The following RYR2 variants were observed in gnomAD, a reference collection of about 807,000 sequenced individuals.
RYR2 encodes the protein cardiac muscle ryanodine receptor-calcium release channel.
RYR2 carries 227 observed loss-of-function variants against 601.1 expected under a neutral mutation model. The ratio of observed to expected loss-of-function variants is 0.38; its 90% CI spans 0.34 to 0.42. The LOEUF (loss-of-function observed/expected upper bound fraction) is 0.42. Among genes scored for constraint, RYR2 ranks in the 10% least tolerant of loss-of-function variants. RYR2 has a pLI of 1.00. For missense variants in RYR2, 4,646 were observed against 6,156.5 expected (o/e 0.75, Z 8.21); for synonymous variants, 2,223 against 2,175.1 (o/e 1.02, Z -0.61).
chr1:237,104,448 C>T (rs1306667540), intron 1 of RYR2, among the ~76,000 whole-genome samples: 4 of 152,194 alleles, frequency 2.6e-5, no homozygotes, highest in African/African-American at 7.2e-5. Context: ...GCACCTTTCC[C>T]TGTCTCCTTG....
intron 27 of RYR2, among the ~76,000 whole-genome samples, chr1:237,559,241 A>G (rs2805470): frequency 0.33 from 50,035 of 151,984 alleles, 9,088 homozygotes; most frequent in East Asian, 0.5. Context: ...AAATGTCCAA[A>G]TGTTGCTAAG....
intron 53 of RYR2, 46 bp downstream of exon 53, chr1:237,656,030 G>T (rs1683211524): frequency 6.3e-7 from 1 of 1,583,916 alleles, no homozygotes; most frequent in Admixed American, 1.8e-5. Context: ...TAAATGATGT[G>T]TGAAGTCTGA....
intron 2 of RYR2, among the ~76,000 whole-genome samples, chr1:237,271,004 A>G (rs1161490636): frequency 1.3e-5 from 2 of 152,240 alleles, no homozygotes. Context: ...TTTCCATATT[A>G]ACGAAAAGTC....
chr1:237,751,697 G>T, intron 80 of RYR2, among the ~76,000 whole-genome samples: 1 of 152,068 alleles, frequency 6.6e-6, no homozygotes, highest in East Asian at 1.9e-4. Flanking sequence ...TGTTTCTTTT[G>T]TCTCTGTAGA....
intron 38 of RYR2, among the ~76,000 whole-genome samples, chr1:237,618,878 A>G (rs1342133163): frequency 6.6e-6 from 1 of 152,136 alleles, no homozygotes; most frequent in African/African-American, 2.4e-5. Flanking sequence ...AAGTAGCAAG[A>G]CACTCTTACC....
chr1:237,066,074 C>A (rs1282542344), intron 1 of RYR2, among the ~76,000 whole-genome samples: 1 of 152,180 alleles, frequency 6.6e-6, no homozygotes. Context: ...CAGATCCAAC[C>A]ATATCAGTAA....
intron 3 of RYR2, among the ~76,000 whole-genome samples, chr1:237,346,367 C>CAAAAAAAAAAAGAAAAAAAAAA (rs1698312485): frequency 1.6e-5 from 1 of 62,352 alleles, no homozygotes; most frequent in African/African-American, 5.6e-5. Flanking sequence ...GGGTCTACCT[C>CAAAAAAAAAAAGAAAAAAAAAA]AAAAAAAAAA....
chr1:237,307,388 C>T (rs1331388532), intron 2 of RYR2, among the ~76,000 whole-genome samples: 1 of 152,168 alleles, frequency 6.6e-6, no homozygotes, highest in Non-Finnish European at 1.5e-5. Flanking sequence ...TGTGAATTCA[C>T]AGATGTTCTT....
chr1:237,687,382 TTTA>T, intron 62 of RYR2, 70 bp from the exon 63 acceptor site: 2 of 685,740 alleles, frequency 2.9e-6, no homozygotes, highest in South Asian at 2.1e-5. Context: ...TTTTTTTTTT[TTTA>T]ATTTCCCCCT....
chr1:237,588,503 G>T (rs985551644), intron 29 of RYR2, among the ~76,000 whole-genome samples: 6 of 152,046 alleles, frequency 3.9e-5, no homozygotes, highest in Non-Finnish European at 7.4e-5. Context: ...CGTTTTTAGT[G>T]TGCTGCCTAC....
chr1:237,498,304 G>A (rs1324193255), intron 20 of RYR2, among the ~76,000 whole-genome samples: 1 of 152,060 alleles, frequency 6.6e-6, no homozygotes, highest in Non-Finnish European at 1.5e-5. Flanking sequence ...GTACAAAGGC[G>A]ACCTGTGCCA....
chr1:237,434,164 T>C (rs1278994924), intron 12 of RYR2, among the ~76,000 whole-genome samples: 1 of 152,186 alleles, frequency 6.6e-6, no homozygotes, highest in Non-Finnish European at 1.5e-5. Flanking sequence ...TTGGAAGATT[T>C]TATAAATCAT....
chr1:237,171,161 G>A (rs1262705716), intron 1 of RYR2, among the ~76,000 whole-genome samples: 2 of 151,226 alleles, frequency 1.3e-5, no homozygotes, highest in Non-Finnish European at 2.9e-5. Flanking sequence ...TTGAACCCAG[G>A]AGGCGGAGCT....
At chr1:237,781,828 A>C (rs1695138410) in intron 89 of RYR2, among the ~76,000 whole-genome samples, 182 bp downstream of exon 89, 1 of 152,178 alleles carries the variant, frequency 6.6e-6, no homozygotes, top group Admixed American at 6.5e-5. Context: ...GAGATCCTGC[A>C]TATCTCAGTT....
chr1:237,594,026 C>CA (rs1463681012), intron 33 of RYR2, among the ~76,000 whole-genome samples: 1 of 152,152 alleles, frequency 6.6e-6, no homozygotes, highest in African/African-American at 2.4e-5. Context: ...ACTGTGAAGA[C>CA]AATGTGGGCT....
intron 27 of RYR2, among the ~76,000 whole-genome samples, chr1:237,551,156 A>G (rs1448270141): frequency 1.3e-5 from 2 of 152,228 alleles, no homozygotes; most frequent in African/African-American, 4.8e-5. Flanking sequence ...ATAGATACTC[A>G]ATAACTAACT....
rs533181042 is a variant in RYR2 at position 237,099,720 on chromosome 1, A to G, written c.48+57151A>G. On this transcript the variant is annotated intron_variant, in intron 1 of 104. Transcript: ENST00000366574. ...TTTGCTATGAAAAACTACATTTTGA[A>G]ACAAAAGTTTTAGTGTTTATTTGGG... is the stretch of plus-strand genomic sequence containing the variant. 1.6e-4 allele frequency among the ~76,000 whole-genome samples: 25 copies of G among 152,342 alleles called. No individual in the cohort carries two copies. In the South Asian group the frequency reaches 5.2e-3, roughly 32 times the overall value.
At chr1:237,187,443 CTTTTT>C (rs10686110) in intron 1 of RYR2, among the ~76,000 whole-genome samples, 1 of 86,762 alleles carries the variant, frequency 1.2e-5, no homozygotes, top group African/African-American at 4.4e-5. Flanking sequence ...GCCCGGCCGA[CTTTTT>C]TTTTTTTTTT....
intron 1 of RYR2, among the ~76,000 whole-genome samples, chr1:237,251,568 A>G (rs887501325): frequency 1.3e-5 from 2 of 152,140 alleles, no homozygotes; most frequent in Admixed American, 6.5e-5. Context: ...TTCCAACCTC[A>G]TAATGTTGGT....
Sources: allele counts gnomAD v4.1 joint callset (sites outside exome capture counted in the v4.1 genomes callset), GRCh38; gene constraint gnomAD v4.1.1; transcripts MANE v1.5; gene names NCBI Gene and HGNC (gene_info 2026-07-23, HGNC 2026-07-21).